Variants in ABCG5 observed in about 807,000 individuals in gnomAD.
ABCG5 encodes ATP-binding cassette sub-family G member 5.
A neutral mutation model predicts 64.5 loss-of-function variants in ABCG5; 64 were observed. That is an observed-to-expected ratio of 0.99 (90% CI 0.81 to 1.22). ABCG5 has a LOEUF of 1.22. Among genes scored for constraint, ABCG5 ranks in the 50% most tolerant of loss-of-function variants. The pLI is 0.00. For missense variants in ABCG5, 908 were observed against 829.5 expected (o/e 1.09, Z -1.16); for synonymous variants, 385 against 326.3 (o/e 1.18, Z -1.94).
intron 12 of ABCG5, among the ~76,000 whole-genome samples, chr2:43,813,703 T>A (rs1666618062): frequency 7.1e-6 from 1 of 139,952 alleles, no homozygotes; most frequent in South Asian, 2.3e-4. Context: ...TGGGGTTTTT[T>A]TTTTCGTTTT....
downstream of ABCG5, chr2:43,810,340 G>C: frequency 1.0e-6 from 1 of 984,438 alleles, no homozygotes; most frequent in Non-Finnish European, 1.2e-6. Flanking sequence ...CCTGCTGTGA[G>C]ACTGACACAT....
chr2:43,834,298 G>T (rs1319082836), intron 2 of ABCG5, among the ~76,000 whole-genome samples: 1 of 152,130 alleles, frequency 6.6e-6, no homozygotes, highest in Admixed American at 6.5e-5. Flanking sequence ...CAAATATCCT[G>T]CAGCCTGGGT....
In ABCG5 at chr2:43,824,052, G is replaced by C; in HGVS notation, c.1185C>G (p.Ile395Met). ...AVITRLLQNL[I>M]MGLFLLFFVL... ...CGAAGAAAAGGAGGAACAAACCCAT[G>C]ATCAGATTCTGAAGGAGACGCGTAA... Residue 395 changes from isoleucine (I) to methionine (M), a missense_variant, in exon 9 of 13, where the codon ATC (isoleucine) becomes ATG (methionine). Transcript: ENST00000405322. 1 of 1,614,202 alleles carries C rather than the reference G, an allele frequency of 6.2e-7. No individual in the cohort carries two copies. Among genetic ancestry groups the C allele is most frequent in the Non-Finnish European group, 8.5e-7 (1 of 1,180,034 alleles).
At chr2:43,838,956 TG>T (rs1456036552), upstream of ABCG5, 20 of 1,359,428 alleles carry the variant, frequency 1.5e-5, no homozygotes, top group Admixed American at 2.0e-5. The surrounding 1 kb of genome is among the most constrained non-coding windows in gnomAD (Gnocchi z 4.2). Flanking sequence ...GAGGCCGAGG[TG>T]TCCCTGCTCC....
In ABCG5 at chr2:43,826,405, G is replaced by A. The variant is rs140111105; in HGVS notation, c.751C>T (p.Gln251Ter). 9.3e-6 allele frequency: 15 copies of A among 1,613,972 alleles called. No individual in the cohort carries two copies. In the East Asian group the frequency reaches 2.7e-4, roughly 29 times the overall value. Residue 251 changes from glutamine to a stop codon, truncating the protein, a stop_gained, in exon 6 of 13, where the codon CAG becomes TAG. Transcript: ENST00000405322. LOFTEE classifies it high-confidence loss of function. ...ACCTGAAAAAGCTCAGAACGGGGCT[G>A]GTGAATGGTGAGAACCACAATTCGG... ...RNRIVVLTIH[Q>*]PRSELFQLFD...
At position 43,824,404 on chromosome 2, in the gene ABCG5, G is replaced by C. The variant is rs774304589; in HGVS notation, c.933C>G (p.Ser311Arg). Residue 311 changes from serine (S) to arginine (R), a missense_variant, in exon 8 of 13, where the codon AGC (serine) becomes AGG (arginine). Physicochemically the swap from Ser to Arg is moderately radical, Grantham distance 110 (BLOSUM62 -1). Coordinates refer to ENST00000405322, the MANE Select transcript of ABCG5 (RefSeq NM_022436.3). ...YMDLTSVDTQ[S>R]KEREIETSKR... ...TGGAGGTTTCTATTTCCCGTTCCTT[G>C]CTTTGGGTATCCACTGACGTCAGGT... 1 of 1,614,024 alleles carries C rather than the reference G, an allele frequency of 6.2e-7. No individual in the cohort carries two copies. The highest frequency in any genetic ancestry group is 1.1e-5 in the South Asian group (1 of 91,078).
intron 2 of ABCG5, among the ~76,000 whole-genome samples, chr2:43,834,938 C>G (rs1024793746): frequency 2.0e-5 from 3 of 152,194 alleles, no homozygotes; most frequent in Admixed American, 6.5e-5. Context: ...AGATAAGACA[C>G]CAATGAAATT....
intron 12 of ABCG5, among the ~76,000 whole-genome samples, chr2:43,814,009 C>T (rs1371904835): frequency 6.6e-6 from 1 of 152,098 alleles, no homozygotes; most frequent in African/African-American, 2.4e-5. Flanking sequence ...AGCCACTGTG[C>T]CCGGCCACCC....
At chr2:43,815,432 A>G (rs1666754072) in intron 11 of ABCG5, among the ~76,000 whole-genome samples, 1 of 152,200 alleles carries the variant, frequency 6.6e-6, no homozygotes, top group East Asian at 1.9e-4. Context: ...ACAGTAGTGA[A>G]CTATTTGTGC....
chr2:43,824,305 T>G lies in ABCG5; in HGVS notation c.1032A>C (p.Arg344Ser). ...ICHKTLKNIERMKHLKTLPMV... is the reference protein window; with the variant it reads ...ICHKTLKNIESMKHLKTLPMV... ...TTGGTAACGTTTTCAGGTGTTTCAT[T>G]CTTTCAATATTCTTCAAAGTTTTAT... Residue 344 changes from arginine to serine, a missense_variant, in exon 8 of 13, where the codon AGA becomes AGC. Coordinates refer to ENST00000405322, the MANE Select transcript of ABCG5 (RefSeq NM_022436.3). The G allele has an allele frequency of 6.2e-7, 1 of 1,614,216 alleles. No homozygotes were observed. The highest frequency in any genetic ancestry group is 8.5e-7 in the Non-Finnish European group (1 of 1,180,042).
At chr2:43,810,248 A>G, downstream of ABCG5, 1 of 594,336 alleles carries the variant, frequency 1.7e-6, no homozygotes, top group South Asian at 7.6e-5. Context: ...GAAATAGGAG[A>G]TGCACATTCC....
At chr2:43,809,664 A>G (rs776748108), downstream of ABCG5, 1 of 1,477,782 alleles carries the variant, frequency 6.8e-7, no homozygotes, top group South Asian at 1.2e-5. Context: ...TTGAATTAGT[A>G]AAGTTGATTT....
At position 43,819,957 on chromosome 2, in the gene ABCG5, A is replaced by G; in HGVS notation, c.1607T>C (p.Leu536Pro). The change falls in exon 11 of 13, where the codon CTG (leucine) becomes CCG (proline). Residue 536 changes from leucine (L) to proline (P), a missense_variant. Coordinates refer to ENST00000405322, the MANE Select transcript of ABCG5 (RefSeq NM_022436.3). ...AACAAGCACCCCCGCAATGGACAGC[A>G]GAGCCACTACACTGTTGACTATATT... is the stretch of plus-strand genomic sequence containing the variant. Reference protein sequence around the residue: ...NPNIVNSVVALLSIAGVLVGS... With the variant: ...NPNIVNSVVAPLSIAGVLVGS... 12 of 1,614,182 alleles carry G rather than the reference A, an allele frequency of 7.4e-6. No individual in the cohort carries two copies. The highest frequency in any genetic ancestry group is 1.0e-5 in the Non-Finnish European group (12 of 1,180,026).
intron 11 of ABCG5, among the ~76,000 whole-genome samples, chr2:43,817,896 C>G (rs1253502527): frequency 6.6e-6 from 1 of 151,604 alleles, no homozygotes; most frequent in Non-Finnish European, 1.5e-5. Flanking sequence ...GGTGACAGAG[C>G]GCGATTCCCT....
intron 4 of ABCG5, chr2:43,828,469 CTACAAA>C: frequency 6.5e-6 from 1 of 153,972 alleles, no homozygotes; most frequent in Admixed American, 1.1e-4. Flanking sequence ...GACCCTGTCT[CTACAAA>C]AAAAAAAAAA....
At chr2:43,824,159 G>C in intron 8 of ABCG5, 41 bp from the exon 9 acceptor site, 1 of 1,614,088 alleles carries the variant, frequency 6.2e-7, no homozygotes, top group Non-Finnish European at 8.5e-7. Flanking sequence ...TTTCAGAATT[G>C]TTATTGGGGG....
At chr2:43,822,428 T>C in intron 10 of ABCG5, 2 of 761,034 alleles carry the variant, frequency 2.6e-6, no homozygotes, top group Non-Finnish European at 3.2e-6. Context: ...ACCCTCTGAA[T>C]GTGTCTGTTT....
rs1050926542 is a variant in ABCG5, at chr2:43,814,382, T to C, written c.1762+95A>G. 4.6e-4 allele frequency: 373 copies of C among 812,504 alleles called. 2 individuals are homozygous for C. The highest frequency in any genetic ancestry group is 7.1e-4 in the Non-Finnish European group (346 of 485,332). The allele number at this position is 812,504 out of a possible 1,614,324, so 50.3% of individuals were successfully genotyped here. A position where few individuals can be genotyped will look rare whatever the true frequency, so the allele number is the denominator to read the frequency against. On this transcript the variant is annotated intron_variant, in intron 12 of 12. Coordinates refer to ENST00000405322, the MANE Select transcript of ABCG5 (RefSeq NM_022436.3). Reference sequence around the variant, plus strand: ...AACAGAGTTTTAAATTGAATTATTATAAAACACAGTTTTTATTTCAAAAAT... The same window carrying C: ...AACAGAGTTTTAAATTGAATTATTACAAAACACAGTTTTTATTTCAAAAAT...
rs1442645110 is a variant in ABCG5, at chr2:43,837,964, G to A, written c.144-9C>T. ...AGGGCCTCACGCGGTGGCTTTAAAG[G>A]AAACCCCAGGAAGGCAAAGGCAGCT... On this transcript the variant is annotated splice_polypyrimidine_tract_variant and intron_variant, in intron 1 of 12. Transcript: ENST00000405322. The A allele has an allele frequency of 6.2e-7, 1 of 1,613,746 alleles. No individual in the cohort carries two copies. The highest frequency in any genetic ancestry group is 8.5e-7 in the Non-Finnish European group (1 of 1,179,782).
Sources: allele counts gnomAD v4.1 joint callset (sites outside exome capture counted in the v4.1 genomes callset), GRCh38; gene constraint gnomAD v4.1.1; non-coding constraint Gnocchi (gnomAD v3.1); transcripts MANE v1.5; gene names NCBI Gene and HGNC (gene_info 2026-07-23, HGNC 2026-07-21).